Variants in INPP5A observed in about 807,000 individuals in gnomAD.
INPP5A encodes inositol polyphosphate-5-phosphatase A.
In INPP5A, 14 loss-of-function variants were observed where a neutral mutation model predicts 65.2. That is an observed-to-expected ratio of 0.21 (90% confidence interval 0.14 to 0.34). The LOEUF (loss-of-function observed/expected upper bound fraction) is 0.34. INPP5A is among the 10% of genes least tolerant of loss of function. The pLI is 1.00. For missense variants in INPP5A, 431 were observed against 545.6 expected, an observed-to-expected ratio of 0.79 and a Z score of 2.09; for synonymous variants, 207 against 208.3, an observed-to-expected ratio of 0.99 and a Z score of 0.05.
chr10:132,538,346 C>T lies in INPP5A; in HGVS notation c.75+175C>T, dbSNP rs1296839513. On this transcript the variant is annotated intron_variant, in intron 1 of 15. Coordinates refer to ENST00000368594, the MANE Select transcript of INPP5A (RefSeq NM_005539.5). This position sits in a 1 kb window ranked among gnomAD's most constrained non-coding sequence, Gnocchi z 4.1. ...CTGTCCTGATTCCCAAGTCTGGGAG[C>T]CCAGACCCCTGTCTTGATCCCCAAG... is the stretch of plus-strand genomic sequence containing the variant. Among the ~76,000 whole-genome samples the T allele has an allele frequency of 2.0e-5, 3 of 152,110 alleles. No individual in the cohort carries two copies. The highest frequency in any genetic ancestry group is 4.8e-5 in the African/African-American group (2 of 41,406).
At chr10:132,720,847 A>G (rs1337617556) in intron 8 of INPP5A, among the ~76,000 whole-genome samples, 49 of 101,128 alleles carry the variant, frequency 4.8e-4, no homozygotes, top group South Asian at 1.0e-3. Context: ...CTGTCTGGGC[A>G]CCTTAGACGG....
rs566623652 is a variant in INPP5A, at chr10:132,756,380, GTA to G, written c.903+6537_903+6538del. On this transcript the variant is annotated intron_variant, in intron 11 of 15. Transcript: ENST00000368594. ...TGTACACGTGTGCACTCGTGTGTGT[GTA>G]TGTGTGCGTGTACTTGTATGCACTT... 3.8e-4 allele frequency among the ~76,000 whole-genome samples: 58 copies of G among 152,160 alleles called. No homozygotes were observed. In the South Asian group the frequency reaches 0.011, roughly 28 times the overall value.
intron 4 of INPP5A, among the ~76,000 whole-genome samples, chr10:132,680,333 C>CG (rs2073025827): frequency 6.6e-6 from 1 of 152,162 alleles, no homozygotes; most frequent in African/African-American, 2.4e-5. Context: ...TGGAGACGGC[C>CG]GATAAGTACA....
chr10:132,650,559 A>G lies in INPP5A; in HGVS notation c.306+54A>G. 4 of 1,271,980 alleles carry G rather than the reference A, an allele frequency of 3.1e-6. No homozygotes were observed. Among genetic ancestry groups the G allele is most frequent in the Non-Finnish European group, 4.6e-6 (4 of 873,596 alleles). The allele number at this position is 1,271,980 out of a possible 1,614,324, so 78.8% of individuals were successfully genotyped here. A position where few individuals can be genotyped will look rare whatever the true frequency, so the allele number is the denominator to read the frequency against. Reference sequence around the variant, plus strand: ...GGTCAGACAGGCTGGCCTTGGCAGAAGCCAGCCCTTCTCCTGTGTAAATGG... The same window carrying G: ...GGTCAGACAGGCTGGCCTTGGCAGAGGCCAGCCCTTCTCCTGTGTAAATGG... On this transcript the variant is annotated intron_variant, in intron 4 of 15. Transcript: ENST00000368594. This position sits in a 1 kb window ranked among gnomAD's most constrained non-coding sequence, Gnocchi z 5.5.
intron 8 of INPP5A, among the ~76,000 whole-genome samples, chr10:132,723,485 T>TGG (rs1296763625): frequency 2.7e-5 from 4 of 147,990 alleles, no homozygotes; most frequent in African/African-American, 1.0e-4. Flanking sequence ...ATTGGCCGTG[T>TGG]GGGGATTGGC....
intron 2 of INPP5A, among the ~76,000 whole-genome samples, chr10:132,642,480 C>T (rs866649974): frequency 6.6e-6 from 1 of 152,210 alleles, no homozygotes. Flanking sequence ...CCGTGACAGC[C>T]CAGGAAATGC....
At chr10:132,771,321 G>A (rs1426626146) in intron 12 of INPP5A, among the ~76,000 whole-genome samples, 1 of 152,222 alleles carries the variant, frequency 6.6e-6, no homozygotes, top group East Asian at 1.9e-4. Context: ...CGTAAGTGAA[G>A]GTAGCTTTTT....
At chr10:132,714,701 A>G (rs779269047) in intron 8 of INPP5A, among the ~76,000 whole-genome samples, 1 of 151,992 alleles carries the variant, frequency 6.6e-6, no homozygotes, top group Non-Finnish European at 1.5e-5. Flanking sequence ...ACCTAAACGC[A>G]TTCCAGAGTA....
intron 11 of INPP5A, among the ~76,000 whole-genome samples, chr10:132,764,031 G>A (rs1049447823): frequency 3.9e-5 from 6 of 152,396 alleles, no homozygotes; most frequent in African/African-American, 1.4e-4. Context: ...CCCAGAGGCT[G>A]TGGGTGCTGG....
At chr10:132,655,747 C>T (rs2072647734) in intron 4 of INPP5A, among the ~76,000 whole-genome samples, 2 of 152,248 alleles carry the variant, frequency 1.3e-5, no homozygotes, top group African/African-American at 4.8e-5. Context: ...GATGTATTTA[C>T]TGTAGGGACT....
chr10:132,625,612 T>G (rs2072172094), intron 2 of INPP5A, among the ~76,000 whole-genome samples: 1 of 152,122 alleles, frequency 6.6e-6, no homozygotes, highest in South Asian at 2.1e-4. Flanking sequence ...CCCGGGGACA[T>G]GGGAGCCTCT....
chr10:132,544,538 C>CT (rs2070945294), intron 1 of INPP5A, among the ~76,000 whole-genome samples: 1 of 152,138 alleles, frequency 6.6e-6, no homozygotes, highest in Non-Finnish European at 1.5e-5. Flanking sequence ...GCAGGATCGT[C>CT]TGTCTGCCGG....
At chr10:132,582,286 T>G (rs751600262) in intron 1 of INPP5A, among the ~76,000 whole-genome samples, 6 of 152,220 alleles carry the variant, frequency 3.9e-5, no homozygotes, top group Non-Finnish European at 7.3e-5. Flanking sequence ...GCTATATGCT[T>G]TTACTGTCTA....
Position 132,772,891 on chromosome 10 carries a change from G to A in INPP5A, c.978-4780G>A, listed in dbSNP as rs373302816. Reference sequence around the variant, plus strand: ...CACTGACACGGAGGCCACGGCAGCCGCCCCACGAAGAGTGGGACGGACACT... The same window carrying A: ...CACTGACACGGAGGCCACGGCAGCCACCCCACGAAGAGTGGGACGGACACT... On this transcript the variant is annotated intron_variant, in intron 12 of 15. Transcript: ENST00000368594. Among the ~76,000 whole-genome samples the A allele has an allele frequency of 1.3e-3, 142 of 107,108 alleles. 6 individuals carry two copies. The highest frequency in any genetic ancestry group is 6.6e-3 in the Middle Eastern group (1 of 152). 70.3% of individuals were successfully genotyped at this position (107,108 alleles called of 152,430 possible). A position where few individuals can be genotyped will look rare whatever the true frequency, so the allele number is the denominator to read the frequency against.
intron 8 of INPP5A, among the ~76,000 whole-genome samples, chr10:132,718,247 G>A (rs1442676275): frequency 3.8e-5 from 5 of 132,250 alleles, no homozygotes; most frequent in African/African-American, 1.2e-4. Flanking sequence ...ACCTTAGACG[G>A]CTGTCTTGCG....
rs1183216775 is a variant in INPP5A at position 132,587,152 on chromosome 10, A to T, written c.76-20763A>T. ...TTTAAAAAATAATACAAACACATTTAAAAAACAAGAGAGCCAGTGTGAAAA... is the reference window on the plus strand; with the variant it reads ...TTTAAAAAATAATACAAACACATTTTAAAAACAAGAGAGCCAGTGTGAAAA... On this transcript the variant is annotated intron_variant, in intron 1 of 15. Transcript: ENST00000368594. The surrounding 1 kb of genome is among the most constrained non-coding windows in gnomAD (Gnocchi z 4.3). 6.6e-6 allele frequency among the ~76,000 whole-genome samples: 1 copy of T among 152,198 alleles called. No homozygotes were observed. Among genetic ancestry groups the T allele is most frequent in the African/African-American group, 2.4e-5 (1 of 41,450 alleles).
chr10:132,764,223 G>A (rs1846788972), intron 11 of INPP5A, among the ~76,000 whole-genome samples: 1 of 152,276 alleles, frequency 6.6e-6, no homozygotes, highest in Admixed American at 6.5e-5. Context: ...CAGGGATAAT[G>A]GACGAGGTCA....
chr10:132,697,884 G>A lies in INPP5A; in HGVS notation c.439G>A (p.Glu147Lys). Residue 147 changes from glutamate to lysine, a missense_variant, in exon 6 of 16, where the codon GAG (glutamate) becomes AAG (lysine). Physicochemically the swap from Glu to Lys is moderately conservative, Grantham distance 56. Coordinates refer to ENST00000368594, the MANE Select transcript of INPP5A (RefSeq NM_005539.5). This position sits in a 1 kb window ranked among gnomAD's most constrained non-coding sequence, Gnocchi z 5.6. The part of the protein sequence containing the change: ...SDTLESTPML[E>K]KEKFPQDYFP... Reference sequence around the variant, plus strand: ...TACCTTAGAGAGCACGCCCATGCTGGAGAAGGAGAAGTTTCCGCAGGACTA... The same window carrying A: ...TACCTTAGAGAGCACGCCCATGCTGAAGAAGGAGAAGTTTCCGCAGGACTA... The A allele has an allele frequency of 6.2e-7, 1 of 1,613,852 alleles. No homozygotes were observed. Among genetic ancestry groups the A allele is most frequent in the Non-Finnish European group, 8.5e-7 (1 of 1,179,780 alleles).
In INPP5A at chr10:132,598,330, A is replaced by G. The variant is rs530759010; in HGVS notation, c.76-9585A>G. Among the ~76,000 whole-genome samples the G allele has an allele frequency of 3.9e-5, 6 of 152,334 alleles. No individual in the cohort carries two copies. In the East Asian group the frequency reaches 1.2e-3, roughly 29 times the overall value. On this transcript the variant is annotated intron_variant, in intron 1 of 15. Transcript: ENST00000368594. ...GCATTCATAATGTTGCATAACCATCACTGTCATCCATCTCCAGATCTCTTT... is the reference window on the plus strand; with the variant it reads ...GCATTCATAATGTTGCATAACCATCGCTGTCATCCATCTCCAGATCTCTTT...
Sources: gnomAD v4.1 joint callset for allele counts (sites outside exome capture counted in the v4.1 genomes callset) on GRCh38, gnomAD v4.1.1 for gene constraint, Gnocchi (gnomAD v3.1) non-coding constraint, MANE v1.5 for transcripts, NCBI Gene and HGNC (gene_info 2026-07-23, HGNC 2026-07-21) for gene names.